The following UBE2H variants were observed in gnomAD, a reference collection of about 807,000 sequenced individuals.
The protein encoded by UBE2H is ubiquitin conjugating enzyme E2 H.
In UBE2H, 3 loss-of-function variants were observed where a neutral mutation model predicts 29.0. The ratio of observed to expected loss-of-function variants is 0.10; its 90% CI spans 0.05 to 0.27. UBE2H has a LOEUF of 0.27. Among genes scored for constraint, UBE2H ranks in the 10% least tolerant of loss-of-function variants. The pLI is 1.00. For missense variants in UBE2H, 68 were observed against 228.2 expected, an observed-to-expected ratio of 0.30 and a Z score of 4.52; for synonymous variants, 69 against 82.9, an observed-to-expected ratio of 0.83 and a Z score of 0.91.
In UBE2H at chr7:129,920,848, CAAAAAAAA is replaced by C. The variant is rs11347186; in HGVS notation, c.53+31647_53+31654del. Among the ~76,000 whole-genome samples the C allele has an allele frequency of 1.7e-3, 128 of 73,988 alleles. 1 individual carries two copies. In the Middle Eastern group the frequency reaches 0.026, roughly 15 times the overall value. The allele number at this position is 73,988 out of a possible 152,430, so 48.5% of individuals were successfully genotyped here. A position where few individuals can be genotyped will look rare whatever the true frequency, so the allele number is the denominator to read the frequency against. The stretch of plus-strand genomic sequence containing the variant: ...TAATAAACAAATGACTAGAAAAAGT[CAAAAAAAA>C]AAAAAAAAAAAAAAGCAATCTTTAA... On this transcript the variant is annotated intron_variant, in intron 1 of 6. Transcript: ENST00000355621.
Position 129,916,726 on chromosome 7 carries a change from T to C in UBE2H, c.54-35755A>G, listed in dbSNP as rs12665878. On this transcript the variant is annotated intron_variant, in intron 1 of 6. Coordinates refer to ENST00000355621, the MANE Select transcript of UBE2H (RefSeq NM_003344.4). ...ACACTCTAAGCATGTACACGGCTAA[T>C]GGCCAAACCACCTGCAAAAGTTCCA... is the stretch of plus-strand genomic sequence containing the variant. 6.6e-5 allele frequency among the ~76,000 whole-genome samples: 10 copies of C among 152,322 alleles called. No individual in the cohort carries two copies. In the East Asian group the frequency reaches 7.7e-4, roughly 12 times the overall value.
intron 1 of UBE2H, among the ~76,000 whole-genome samples, chr7:129,931,784 T>C (rs1461093284): frequency 6.6e-6 from 1 of 152,088 alleles, no homozygotes; most frequent in African/African-American, 2.4e-5. Context: ...AATCTTAAAT[T>C]GTACCAACGA....
intron 1 of UBE2H, among the ~76,000 whole-genome samples, chr7:129,942,207 G>C (rs1321367162): frequency 4.1e-5 from 5 of 121,662 alleles, no homozygotes; most frequent in African/African-American, 6.4e-5. Flanking sequence ...TGTGAGACTC[G>C]GTCTCAAAAA....
At chr7:129,927,006 C>G (rs1159811954) in intron 1 of UBE2H, among the ~76,000 whole-genome samples, 1 of 152,214 alleles carries the variant, frequency 6.6e-6, no homozygotes, top group East Asian at 1.9e-4. Context: ...TATCTCCTGT[C>G]TCTATGACAT....
chr7:129,841,389 A>G (rs1291476847), intron 5 of UBE2H, among the ~76,000 whole-genome samples: 1 of 152,220 alleles, frequency 6.6e-6, no homozygotes, highest in East Asian at 1.9e-4. Context: ...TTAGAGACTA[A>G]TCTAGAGCTG....
At chr7:129,858,489 A>G (rs1487752922) in intron 4 of UBE2H, among the ~76,000 whole-genome samples, 1 of 152,234 alleles carries the variant, frequency 6.6e-6, no homozygotes, top group African/African-American at 2.4e-5. Context: ...AAGGGGATAA[A>G]TAAGATTCAT....
intron 1 of UBE2H, among the ~76,000 whole-genome samples, chr7:129,902,497 C>T (rs1806736899): frequency 6.6e-6 from 1 of 152,142 alleles, no homozygotes; most frequent in South Asian, 2.1e-4. Flanking sequence ...GAGACTCCAT[C>T]TCAAACAAAC....
chr7:129,910,775 G>A (rs1210597031), intron 1 of UBE2H, among the ~76,000 whole-genome samples: 8 of 151,860 alleles, frequency 5.3e-5, no homozygotes, highest in South Asian at 2.1e-4. Context: ...CCAGCTACTC[G>A]GAAGGCTGAG....
Position 129,881,444 on chromosome 7 carries a change from C to T in UBE2H, c.54-473G>A, listed in dbSNP as rs140498052. On this transcript the variant is annotated intron_variant, in intron 1 of 6. Transcript: ENST00000355621. The stretch of plus-strand genomic sequence containing the variant: ...GGTGGATCACCTGAGGTCAGGAGTT[C>T]GAGACCAGCGTGGCCTATATGGTGA... Among the ~76,000 whole-genome samples, 694 of 152,232 alleles carry T rather than the reference C, an allele frequency of 4.6e-3. 6 individuals are homozygous for T. Among genetic ancestry groups the T allele is most frequent in the African/African-American group, 0.016 (659 of 41,552 alleles).
chr7:129,943,429 T>G (rs1028870575), intron 1 of UBE2H, among the ~76,000 whole-genome samples: 4 of 152,150 alleles, frequency 2.6e-5, no homozygotes, highest in Admixed American at 2.6e-4. Flanking sequence ...TAATTTCAAA[T>G]GGGGGTGGGG....
At chr7:129,948,375 CCAA>C (rs1356525927) in intron 1 of UBE2H, among the ~76,000 whole-genome samples, 1 of 152,218 alleles carries the variant, frequency 6.6e-6, no homozygotes, top group Admixed American at 6.5e-5. Flanking sequence ...AAAGCAGACA[CCAA>C]CGATTCTGTA....
At chr7:129,867,699 T>TAAAAAAAAAAAAAAAAAAGAAAAAAAA (rs1805934341) in intron 3 of UBE2H, among the ~76,000 whole-genome samples, 1 of 29,642 alleles carries the variant, frequency 3.4e-5, no homozygotes, top group Non-Finnish European at 5.8e-5. Context: ...TAGAGTATAA[T>TAAAAAAAAAAAAAAAAAAGAAAAAAAA]AAAAAAAAAA....
chr7:129,905,350 T>A (rs1408709845), intron 1 of UBE2H, among the ~76,000 whole-genome samples: 1 of 152,106 alleles, frequency 6.6e-6, no homozygotes, highest in Non-Finnish European at 1.5e-5. Context: ...ATTTGATTCA[T>A]CTCATTGTTT....
chr7:129,839,188 A>T lies in UBE2H; in HGVS notation c.427+19T>A. The T allele has an allele frequency of 6.2e-7, 1 of 1,606,676 alleles. No homozygotes were observed. Among genetic ancestry groups the T allele is most frequent in the Non-Finnish European group, 8.5e-7 (1 of 1,177,950 alleles). On this transcript the variant is annotated intron_variant, in intron 6 of 6. Coordinates refer to ENST00000355621, the MANE Select transcript of UBE2H (RefSeq NM_003344.4). The stretch of plus-strand genomic sequence containing the variant: ...ATTTAAGTTCTTTTGTCTCCAGGTT[A>T]AACTACCCATCCTCTTACCTTTAAT...
chr7:129,866,346 C>T (rs1280596376), intron 3 of UBE2H, among the ~76,000 whole-genome samples: 1 of 152,160 alleles, frequency 6.6e-6, no homozygotes, highest in African/African-American at 2.4e-5. Flanking sequence ...AAGTGTTATC[C>T]TTCAATAGCA....
rs536447819 is a variant in UBE2H at position 129,941,141 on chromosome 7, G to C, written c.53+11362C>G. On this transcript the variant is annotated intron_variant, in intron 1 of 6. Coordinates refer to ENST00000355621, the MANE Select transcript of UBE2H (RefSeq NM_003344.4). The stretch of plus-strand genomic sequence containing the variant: ...GGCTAATTTTTTGTATTTTAGTAGA[G>C]ACAGGGTTTCACCATGTTGCCCAGG... Among the ~76,000 whole-genome samples the C allele has an allele frequency of 4.6e-5, 7 of 152,116 alleles. No individual in the cohort carries two copies. The East Asian group carries it at 1.4e-3, about 29-fold the overall frequency.
At chr7:129,837,763 T>G (rs1456962974) in intron 6 of UBE2H, among the ~76,000 whole-genome samples, 1 of 151,776 alleles carries the variant, frequency 6.6e-6, no homozygotes, top group Non-Finnish European at 1.5e-5. Flanking sequence ...CAGTAGGAAG[T>G]GGGGGTGAGC....
chr7:129,852,315 A>G (rs1805624663), intron 5 of UBE2H, among the ~76,000 whole-genome samples: 1 of 152,184 alleles, frequency 6.6e-6, no homozygotes, highest in Non-Finnish European at 1.5e-5. Flanking sequence ...AAATTTCTAA[A>G]TGCCTGGTAA....
At chr7:129,841,855 T>A (rs893912373) in intron 5 of UBE2H, among the ~76,000 whole-genome samples, 2 of 152,206 alleles carry the variant, frequency 1.3e-5, no homozygotes, top group East Asian at 3.8e-4. Context: ...CACCTTCCTA[T>A]ATAACCCCCA....
Sources: allele counts gnomAD v4.1 joint callset (sites outside exome capture counted in the v4.1 genomes callset), GRCh38; gene constraint gnomAD v4.1.1; transcripts MANE v1.5; gene names NCBI Gene and HGNC (gene_info 2026-07-23, HGNC 2026-07-21).